The following ALDH3A1 variants were observed in gnomAD, a reference collection of about 807,000 sequenced individuals.
ALDH3A1 encodes aldehyde dehydrogenase 3 family member A1, also known as aldehyde dehydrogenase, dimeric NADP-preferring.
A neutral mutation model predicts 49.9 loss-of-function variants in ALDH3A1; 46 were observed. The observed-to-expected ratio is 0.92, with a 90% CI of 0.73 to 1.18. The LOEUF (loss-of-function observed/expected upper bound fraction) is 1.18, where lower values mean the gene tolerates loss of function less well. ALDH3A1 is among the 50% of genes most tolerant of loss of function. The probability of loss-of-function intolerance (pLI) is 0.00; values close to 1 mark genes in which losing one functional copy is unlikely to be tolerated. For missense variants in ALDH3A1, 592 were observed against 611.8 expected (o/e 0.97, Z 0.34); for synonymous variants, 269 against 253.3 (o/e 1.06, Z -0.59).
chr17:19,738,944 G>C lies in ALDH3A1; in HGVS notation c.1216+52C>G, dbSNP rs982670303. The C allele has an allele frequency of 2.1e-5, 32 of 1,517,188 alleles. No homozygotes were observed. In the Admixed American group the frequency reaches 5.7e-4, roughly 27 times the overall value. 94.0% of individuals were successfully genotyped at this position (1,517,188 alleles called of 1,614,324 possible). On this transcript the variant is annotated intron_variant, in intron 9 of 10. Transcript: ENST00000225740. Reference sequence around the variant, plus strand: ...TCCCTCCTGAATTTGCTGGGTGAGTGTGCCCAGCCCTGGGGCCCAGAGGGA... The same window carrying C: ...TCCCTCCTGAATTTGCTGGGTGAGTCTGCCCAGCCCTGGGGCCCAGAGGGA...
intron 2 of ALDH3A1, 66 bp downstream of exon 2, chr17:19,744,902 C>CCA: frequency 2.4e-6 from 1 of 412,020 alleles, no homozygotes; most frequent in Non-Finnish European, 3.2e-6. Context: ...CTCTCCCCAG[C>CCA]CCCTCCCCCC....
At chr17:19,746,947 G>A (rs898482326) in intron 1 of ALDH3A1, among the ~76,000 whole-genome samples, 1 of 152,036 alleles carries the variant, frequency 6.6e-6, no homozygotes, top group African/African-American at 2.4e-5. Flanking sequence ...GTAAAATATA[G>A]CAAAGGGGCA....
In ALDH3A1 at chr17:19,739,613, C is replaced by T. The variant is rs1256536062; in HGVS notation, c.1011G>A (p.Gly337=). Residue 337 remains glycine, a synonymous_variant, in exon 8 of 11, where the codon GGG becomes GGA. Transcript: ENST00000225740. The part of the protein sequence containing the change: ...QSPVMQEEIF[G]PVLPIVCVRS... ...GCACGCACACGATGGGCAGCACAGGCCCGAAGATCTCCTCTTGCATCACCG... is the reference window on the plus strand; with the variant it reads ...GCACGCACACGATGGGCAGCACAGGTCCGAAGATCTCCTCTTGCATCACCG... The T allele has an allele frequency of 6.2e-7, 1 of 1,614,000 alleles. No homozygotes were observed. Among genetic ancestry groups the T allele is most frequent in the Admixed American group, 1.7e-5 (1 of 60,014 alleles).
At chr17:19,744,911 C>CG in intron 2 of ALDH3A1, 57 bp downstream of exon 2, 1 of 1,112,688 alleles carries the variant, frequency 9.0e-7, no homozygotes. Context: ...GCCCCTCCCC[C>CG]CACGCCCCAT....
rs1567658360 is a variant in ALDH3A1 at position 19,748,227 on chromosome 17, G to GA, written c.-6+31dup. The GA allele has an allele frequency of 4.4e-6, 2 of 453,502 alleles. No individual in the cohort carries two copies. The highest frequency in any genetic ancestry group is 8.9e-6 in the Non-Finnish European group (2 of 223,746). The allele number at this position is 453,502 out of a possible 1,614,324, so 28.1% of individuals were successfully genotyped here. A position where few individuals can be genotyped will look rare whatever the true frequency, so the allele number is the denominator to read the frequency against. ...GAGTGCAGACTCCACCTAGACAAGA[G>GA]AAAAAATAAGGAATGCAGGGAAGAG... On this transcript the variant is annotated intron_variant, in intron 1 of 10. Coordinates refer to ENST00000225740, the MANE Select transcript of ALDH3A1 (RefSeq NM_000691.5). The surrounding 1 kb of genome is among the most constrained non-coding windows in gnomAD (Gnocchi z 4.4).
chr17:19,742,411 G>T, intron 4 of ALDH3A1, 134 bp downstream of exon 4: 1 of 1,171,004 alleles, frequency 8.5e-7, no homozygotes, highest in Non-Finnish European at 1.2e-6. Flanking sequence ...GAGGGCAGCT[G>T]CTAAGAACAA....
chr17:19,747,821 T>C (rs2086619551), intron 1 of ALDH3A1: 1 of 154,728 alleles, frequency 6.5e-6, no homozygotes, highest in Non-Finnish European at 1.4e-5. Flanking sequence ...GTGATGCCCA[T>C]GAAGAAGAAA....
rs1368384300 is a variant in ALDH3A1 at position 19,739,187 on chromosome 17, C to A, written c.1117-92G>T. 4 of 1,178,568 alleles carry A rather than the reference C, an allele frequency of 3.4e-6. No individual in the cohort carries two copies. The Admixed American group carries it at 8.0e-5, about 23-fold the overall frequency. 73.0% of individuals were successfully genotyped at this position (1,178,568 alleles called of 1,614,324 possible). On this transcript the variant is annotated intron_variant, in intron 8 of 10. Coordinates refer to ENST00000225740, the MANE Select transcript of ALDH3A1 (RefSeq NM_000691.5). ...CCTGCCTGGGTATAGCCTGGAGCCACAAGGACAGGAGCAGGTGGAGGCAGA... is the reference window on the plus strand; with the variant it reads ...CCTGCCTGGGTATAGCCTGGAGCCAAAAGGACAGGAGCAGGTGGAGGCAGA...
chr17:19,739,688 C>T lies in ALDH3A1; in HGVS notation c.950-14G>A, dbSNP rs775235326. 3.7e-6 allele frequency: 6 copies of T among 1,613,138 alleles called. No homozygotes were observed. Among genetic ancestry groups the T allele is most frequent in the Non-Finnish European group, 4.2e-6 (5 of 1,179,698 alleles). On this transcript the variant is annotated splice_polypyrimidine_tract_variant and intron_variant, in intron 7 of 10. Transcript: ENST00000225740. ...GGATGGTGGGGGCTGAGGCAGGAAA[C>T]AAGCCAGAGTTGGACGGCGCAGAGA... is the stretch of plus-strand genomic sequence containing the variant.
intron 5 of ALDH3A1, among the ~76,000 whole-genome samples, chr17:19,741,569 G>A (rs915069951): frequency 2.0e-5 from 3 of 152,182 alleles, no homozygotes; most frequent in South Asian, 2.1e-4. Flanking sequence ...CTAGGGTCAG[G>A]AGGTGCAGAT....
rs2086501537 is a variant in ALDH3A1, at chr17:19,742,020, G to A, written c.673C>T (p.Leu225=). Residue 225 remains leucine, a synonymous_variant, in exon 5 of 11, where the codon CTG becomes TTG. Transcript: ENST00000225740. Reference sequence around the variant, plus strand: ...GCCTCTCACCGGCAGGCCACGTCCAGGTCACAGTTCTTGTCCACGTAGCAG... The same window carrying A: ...GCCTCTCACCGGCAGGCCACGTCCAAGTCACAGTTCTTGTCCACGTAGCAG... ...SPCYVDKNCD[L]DVACRRIAWG... 6.8e-6 allele frequency: 11 copies of A among 1,613,846 alleles called. No individual in the cohort carries two copies. The highest frequency in any genetic ancestry group is 9.3e-6 in the Non-Finnish European group (11 of 1,180,006).
In ALDH3A1 at chr17:19,743,379, C is replaced by T. The variant is rs372399759; in HGVS notation, c.247G>A (p.Ala83Thr). 1.4e-5 allele frequency: 23 copies of T among 1,614,046 alleles called. No individual in the cohort carries two copies. Among genetic ancestry groups the T allele is most frequent in the South Asian group, 1.1e-4 (10 of 91,086 alleles). The change falls in exon 3 of 11, where the codon GCG becomes ACG. Residue 83 changes from alanine to threonine, a missense_variant. Transcript: ENST00000225740. The surrounding 1 kb of genome is among the most constrained non-coding windows in gnomAD (Gnocchi z 4.4). ...GGCGTCTTCTCCACGGGCTCATCCG[C>T]GGCCCACTCAGGGAGCTTCTGGATC... Reference protein sequence around the residue: ...YMIQKLPEWAADEPVEKTPQT... With the variant: ...YMIQKLPEWATDEPVEKTPQT...
rs950286323 is a variant in ALDH3A1 at position 19,744,903 on chromosome 17, C to CA, written c.162+64_162+65insT. On this transcript the variant is annotated intron_variant, in intron 2 of 10. Transcript: ENST00000225740. Reference sequence around the variant, plus strand: ...CTCTCTGGGTCGCACTCTCCCCAGCCCCTCCCCCCACGCCCCATCGCATGG... The same window carrying CA: ...CTCTCTGGGTCGCACTCTCCCCAGCCACCTCCCCCCACGCCCCATCGCATGG... 8.9e-5 allele frequency: 56 copies of CA among 630,754 alleles called. 3 individuals carry two copies. Among genetic ancestry groups the CA allele is most frequent in the Non-Finnish European group, 1.1e-4 (51 of 455,824 alleles). 39.1% of individuals were successfully genotyped at this position (630,754 alleles called of 1,614,324 possible). A position where few individuals can be genotyped will look rare whatever the true frequency, so the allele number is the denominator to read the frequency against.
chr17:19,746,676 T>C (rs973001476), intron 1 of ALDH3A1, among the ~76,000 whole-genome samples: 2 of 144,794 alleles, frequency 1.4e-5, no homozygotes, highest in Non-Finnish European at 3.0e-5. Flanking sequence ...TGCGTGTGTG[T>C]GCATGTGCGT....
In ALDH3A1 at chr17:19,741,205, A is replaced by G. The variant is rs1330862125; in HGVS notation, c.695T>C (p.Ile232Thr). 3.1e-6 allele frequency: 5 copies of G among 1,613,676 alleles called. No individual in the cohort carries two copies. Among genetic ancestry groups the G allele is most frequent in the Non-Finnish European group, 4.2e-6 (5 of 1,179,738 alleles). Residue 232 changes from isoleucine (I) to threonine (T), a missense_variant, in exon 6 of 11, where the codon ATC becomes ACC. Physicochemically the swap from Ile to Thr is moderately conservative, Grantham distance 89. Coordinates refer to ENST00000225740, the MANE Select transcript of ALDH3A1 (RefSeq NM_000691.5). ...NCDLDVACRR[I>T]AWGKFMNSGQ... ...ACTGTTCATGAATTTCCCCCAGGCG[A>G]TGCGTCTGTGAGAATCCCAGACTGG...
rs1277212196 is a variant in ALDH3A1 at position 19,743,450 on chromosome 17, G to T, written c.176C>A (p.Ala59Asp). 1 of 1,601,710 alleles carries T rather than the reference G, an allele frequency of 6.2e-7. No individual in the cohort carries two copies. The highest frequency in any genetic ancestry group is 1.3e-5 in the African/African-American group (1 of 74,670). Residue 59 changes from alanine (A) to aspartate (D), a missense_variant, in exon 3 of 11, where the codon GCC becomes GAC. Coordinates refer to ENST00000225740, the MANE Select transcript of ALDH3A1 (RefSeq NM_000691.5). This position sits in a 1 kb window ranked among gnomAD's most constrained non-coding sequence, Gnocchi z 4.4. ...GACGTACACCACCTCCTCATAGTAG[G>T]CGTTCCATTCATTCTGCAGCGACAG... ...AADLHKNEWNAYYEEVVYVLE... is the reference protein window; with the variant it reads ...AADLHKNEWNDYYEEVVYVLE...
At position 19,743,126 on chromosome 17, in the gene ALDH3A1, C is replaced by G. The variant is rs1425727671; in HGVS notation, c.394+106G>C. On this transcript the variant is annotated intron_variant, in intron 3 of 10. Coordinates refer to ENST00000225740, the MANE Select transcript of ALDH3A1 (RefSeq NM_000691.5). This position sits in a 1 kb window ranked among gnomAD's most constrained non-coding sequence, Gnocchi z 4.4. ...GCCTCCTGTGACAGACCCAGCAAACCCTTATCTGACCCCAGGACTCTTAAC... is the reference window on the plus strand; with the variant it reads ...GCCTCCTGTGACAGACCCAGCAAACGCTTATCTGACCCCAGGACTCTTAAC... 7 of 1,547,384 alleles carry G rather than the reference C, an allele frequency of 4.5e-6. No individual in the cohort carries two copies. The highest frequency in any genetic ancestry group is 6.1e-6 in the Non-Finnish European group (7 of 1,151,182).
In ALDH3A1 at chr17:19,742,644, C is replaced by G. The variant is rs748220822; in HGVS notation, c.395-14G>C. 6.2e-7 allele frequency: 1 copy of G among 1,613,804 alleles called. No homozygotes were observed. The highest frequency in any genetic ancestry group is 8.5e-7 in the Non-Finnish European group (1 of 1,179,986). The stretch of plus-strand genomic sequence containing the variant: ...CCACTGAGTTCCCTGCAGAGCACAC[C>G]GAGCCAGGCCTATGCCCAGGGTACT... On this transcript the variant is annotated splice_polypyrimidine_tract_variant and intron_variant, in intron 3 of 10. Coordinates refer to ENST00000225740, the MANE Select transcript of ALDH3A1 (RefSeq NM_000691.5).
chr17:19,738,083 ACAGGTCAG>A lies in ALDH3A1; in HGVS notation c.*130_*137del, dbSNP rs760336161. The A allele has an allele frequency of 2.5e-6, 4 of 1,578,860 alleles. No individual in the cohort carries two copies. The highest frequency in any genetic ancestry group is 2.7e-5 in the African/African-American group (2 of 74,450). The stretch of plus-strand genomic sequence containing the variant: ...GGGCCCATGTGGGAGTGGGGTGTGC[ACAGGTCAG>A]CAGGTCAGCAGAGGAGTGGGGCTGG... On this transcript the variant is annotated 3_prime_UTR_variant, in exon 11 of 11. Transcript: ENST00000225740.
Sources: gnomAD v4.1 joint callset for allele counts (sites outside exome capture counted in the v4.1 genomes callset) on GRCh38, gnomAD v4.1.1 for gene constraint, Gnocchi (gnomAD v3.1) non-coding constraint, MANE v1.5 for transcripts, NCBI Gene and HGNC (gene_info 2026-07-23, HGNC 2026-07-21) for gene names.